NTAN1: variants seen among roughly 807,000 people sequenced by gnomAD.
NTAN1 encodes the protein protein N-terminal asparagine amidohydrolase.
In NTAN1, 32 loss-of-function variants were observed where a neutral mutation model predicts 41.9. That is an observed-to-expected ratio of 0.76 (90% CI 0.58 to 1.03). NTAN1 has a LOEUF of 1.03. Ranked by LOEUF, NTAN1 falls within the 50% of genes least tolerant of loss-of-function variation. The pLI, the probability that NTAN1 is intolerant of heterozygous loss-of-function variation, is 0.00. For synonymous variants in NTAN1, 140 were observed against 139.5 expected (o/e 1.00, Z -0.03); for missense variants, 377 against 377.5 (o/e 1.00, Z 0.01).
chr16:15,049,426 TTTATC>T (rs1228380001), intron 1 of NTAN1, among the ~76,000 whole-genome samples: 1 of 146,418 alleles, frequency 6.8e-6, no homozygotes, highest in Non-Finnish European at 1.5e-5. Flanking sequence ...TGTTATTTCT[TTTATC>T]TTATTTTTTT....
intron 6 of NTAN1, 132 bp from the exon 7 acceptor site, chr16:15,041,253 T>C (rs1231787110): frequency 3.5e-5 from 24 of 695,610 alleles, no homozygotes; most frequent in Non-Finnish European, 4.3e-5. Context: ...ATGAAAGGGA[T>C]TGTGGCCCTG....
rs776370112 is a variant in NTAN1, at chr16:15,041,135, A to G, written c.488-14T>C. On this transcript the variant is annotated splice_polypyrimidine_tract_variant and intron_variant, in intron 6 of 9. Transcript: ENST00000287706. ...GGTCATTTAATTCTACAAAATAAGAATGTTTAAGATACACTTTTTAAAGAA... is the reference window on the plus strand; with the variant it reads ...GGTCATTTAATTCTACAAAATAAGAGTGTTTAAGATACACTTTTTAAAGAA... The G allele has an allele frequency of 2.7e-6, 4 of 1,463,388 alleles. No individual in the cohort carries two copies. In the South Asian group the frequency reaches 4.5e-5, roughly 17 times the overall value. The allele number at this position is 1,463,388 out of a possible 1,614,324, so 90.7% of individuals were successfully genotyped here.
At position 15,039,952 on chromosome 16, in the gene NTAN1, G is replaced by C; in HGVS notation, c.639+17C>G. ...TTTTTTTTTTTAACCCCTTAACAAA[G>C]ATGATTTGAAACTCACTGGTCCTCC... is the stretch of plus-strand genomic sequence containing the variant. On this transcript the variant is annotated intron_variant, in intron 8 of 9. Coordinates refer to ENST00000287706, the MANE Select transcript of NTAN1 (RefSeq NM_173474.4). 1 of 1,423,902 alleles carries C rather than the reference G, an allele frequency of 7.0e-7. No homozygotes were observed. The highest frequency in any genetic ancestry group is 9.8e-7 in the Non-Finnish European group (1 of 1,020,554). The allele number at this position is 1,423,902 out of a possible 1,614,324, so 88.2% of individuals were successfully genotyped here. A position where few individuals can be genotyped will look rare whatever the true frequency, so the allele number is the denominator to read the frequency against.
intron 1 of NTAN1, among the ~76,000 whole-genome samples, chr16:15,054,080 C>G (rs1206303965): frequency 6.6e-6 from 1 of 152,208 alleles, no homozygotes; most frequent in Non-Finnish European, 1.5e-5. Flanking sequence ...CGGGCTGCTC[C>G]GGAGAAACTG....
chr16:15,038,039 C>T lies in NTAN1; in HGVS notation c.925G>A (p.Gly309Arg), dbSNP rs765995536. 2 of 1,611,088 alleles carry T rather than the reference C, an allele frequency of 1.2e-6. No homozygotes were observed. The highest frequency in any genetic ancestry group is 1.1e-5 in the South Asian group (1 of 90,570). ...DGLWEKISSP[G>R]S ...TTGGTAATTCATGTTTTTTAACTTC[C>T]TGGAGAAGAGATCTTTTCCCACAAG... is the stretch of plus-strand genomic sequence containing the variant. Residue 309 changes from glycine (G) to arginine (R), a missense_variant, in exon 10 of 10, where the codon GGA becomes AGA. By Grantham distance (125) the Gly-to-Arg change is moderately radical. Coordinates refer to ENST00000287706, the MANE Select transcript of NTAN1 (RefSeq NM_173474.4).
intron 5 of NTAN1, among the ~76,000 whole-genome samples, chr16:15,042,345 C>T (rs1422609710): frequency 1.3e-5 from 2 of 151,920 alleles, no homozygotes; most frequent in African/African-American, 4.8e-5. Flanking sequence ...GCCACCATGC[C>T]TGGCTAATTT....
In NTAN1 at chr16:15,038,158, C is replaced by CTAA; in HGVS notation, c.803_805dup (p.Ile268dup). On this transcript the variant is annotated inframe_insertion, in exon 10 of 10. Transcript: ENST00000287706. The stretch of plus-strand genomic sequence containing the variant: ...TTTTTTTAAAAACATCAAGGTAGAT[C>CTAA]TAATATGTTCAACAAAGTGGGGTGG... 6.2e-7 allele frequency: 1 copy of CTAA among 1,613,336 alleles called. No individual in the cohort carries two copies. The highest frequency in any genetic ancestry group is 2.2e-5 in the East Asian group (1 of 44,860).
chr16:15,049,394 A>G (rs2044209937), intron 1 of NTAN1, among the ~76,000 whole-genome samples: 1 of 151,674 alleles, frequency 6.6e-6, no homozygotes, highest in African/African-American at 2.4e-5. Flanking sequence ...TAAGGAAATA[A>G]CTCAAAATAT....
intron 4 of NTAN1, 122 bp downstream of exon 4, chr16:15,047,320 G>A: frequency 1.4e-6 from 1 of 706,948 alleles, no homozygotes. Context: ...TTCTGTTCCA[G>A]GGGAACGAGG....
At chr16:15,039,856 C>T (rs1028372644) in intron 8 of NTAN1, 113 bp downstream of exon 8, 9 of 676,816 alleles carry the variant, frequency 1.3e-5, no homozygotes, top group African/African-American at 9.0e-5. Context: ...TGATAATGTA[C>T]GGCTATAAAG....
rs988780934 is a variant in NTAN1 at position 15,039,914 on chromosome 16, G to C, written c.639+55C>G. 1.2e-5 allele frequency: 12 copies of C among 1,010,722 alleles called. No homozygotes were observed. In the African/African-American group the frequency reaches 2.0e-4, roughly 16 times the overall value. 62.6% of individuals were successfully genotyped at this position (1,010,722 alleles called of 1,614,324 possible). A position where few individuals can be genotyped will look rare whatever the true frequency, so the allele number is the denominator to read the frequency against. On this transcript the variant is annotated intron_variant, in intron 8 of 9. Transcript: ENST00000287706. ...TAAGATCCCAAAAACTTAAGGCCTTGACATTTGATGCCTTTTTTTTTTTAA... is the reference window on the plus strand; with the variant it reads ...TAAGATCCCAAAAACTTAAGGCCTTCACATTTGATGCCTTTTTTTTTTTAA...
At chr16:15,053,923 C>A (rs2044395929) in intron 1 of NTAN1, among the ~76,000 whole-genome samples, 1 of 152,004 alleles carries the variant, frequency 6.6e-6, no homozygotes, top group Admixed American at 6.6e-5. Context: ...AAAAAACCAA[C>A]CAACCAAACA....
chr16:15,041,400 C>T (rs2043809506), intron 6 of NTAN1, among the ~76,000 whole-genome samples: 1 of 152,040 alleles, frequency 6.6e-6, no homozygotes, highest in Admixed American at 6.5e-5. Context: ...GATCCAGTGC[C>T]CTCCTTCCTG....
intron 8 of NTAN1, among the ~76,000 whole-genome samples, 196 bp from the exon 9 acceptor site, chr16:15,038,883 C>CG (rs1342102878): frequency 2.0e-5 from 3 of 152,144 alleles, no homozygotes; most frequent in Non-Finnish European, 4.4e-5. Flanking sequence ...GGGGCACGCA[C>CG]GACTGCTGAG....
intron 5 of NTAN1, among the ~76,000 whole-genome samples, chr16:15,041,903 A>G (rs1248941772): frequency 6.6e-6 from 1 of 152,158 alleles, no homozygotes; most frequent in Non-Finnish European, 1.5e-5. Flanking sequence ...CTCAGGCCCG[A>G]AGGAGCCTGG....
chr16:15,053,635 G>T (rs1418389418), intron 1 of NTAN1, among the ~76,000 whole-genome samples: 2 of 152,082 alleles, frequency 1.3e-5, no homozygotes, highest in African/African-American at 4.8e-5. Context: ...TCCAGGCCAG[G>T]TGGAGTGGCT....
At chr16:15,041,006 A>C in intron 7 of NTAN1, 62 bp downstream of exon 7, 1 of 1,155,002 alleles carries the variant, frequency 8.7e-7, no homozygotes, top group South Asian at 1.2e-5. Context: ...TGGTTTGCTG[A>C]ATTAGACTTT....
intron 5 of NTAN1, among the ~76,000 whole-genome samples, chr16:15,043,133 C>G (rs2043897548): frequency 6.6e-6 from 1 of 152,096 alleles, no homozygotes; most frequent in South Asian, 2.1e-4. Flanking sequence ...CTTCTGACCT[C>G]AAGTGATCGG....
intron 1 of NTAN1, among the ~76,000 whole-genome samples, chr16:15,052,261 G>C (rs551527439): frequency 5.9e-5 from 9 of 152,142 alleles, no homozygotes; most frequent in Non-Finnish European, 1.2e-4. Flanking sequence ...TGACACCGAA[G>C]TTTTAATTTC....
Sources: gnomAD v4.1 joint callset for allele counts (sites outside exome capture counted in the v4.1 genomes callset) on GRCh38, gnomAD v4.1.1 for gene constraint, MANE v1.5 for transcripts, NCBI Gene and HGNC (gene_info 2026-07-23, HGNC 2026-07-21) for gene names.